Variants in EPHA3 observed in about 807,000 individuals in gnomAD.
EPHA3 encodes the protein EPH receptor A3, also known as ephrin type-A receptor 3.
Under a neutral mutation model 107.1 loss-of-function variants are expected in EPHA3, and 42 were observed. The observed-to-expected ratio is 0.39, with a 90% CI of 0.31 to 0.51. EPHA3 has a LOEUF of 0.51. Ranked by LOEUF, EPHA3 falls within the 20% of genes least tolerant of loss-of-function variation. EPHA3 has a pLI of 0.78. For synonymous variants in EPHA3, 461 were observed against 424.8 expected, an observed-to-expected ratio of 1.09 and a Z score of -1.05; for missense variants, 1,183 against 1,211.2, an observed-to-expected ratio of 0.98 and a Z score of 0.35.
rs139592109 is a variant in EPHA3 at position 89,405,368 on chromosome 3, G to T, written c.1595-1901G>T. The stretch of plus-strand genomic sequence containing the variant: ...CTGTGCTTGAAGGCTGTAGCTGAAG[G>T]TGCTGCAGCTGGAGGCTGTCTGCTG... On this transcript the variant is annotated intron_variant, in intron 7 of 16. Coordinates refer to ENST00000336596, the MANE Select transcript of EPHA3 (RefSeq NM_005233.6). Among the ~76,000 whole-genome samples the T allele has an allele frequency of 5.9e-3, 903 of 152,308 alleles. 13 individuals are homozygous for T. The highest frequency in any genetic ancestry group is 0.02 in the African/African-American group (827 of 41,576).
chr3:89,129,754 A>G (rs1456541540), intron 2 of EPHA3, among the ~76,000 whole-genome samples: 1 of 152,098 alleles, frequency 6.6e-6, no homozygotes, highest in Non-Finnish European at 1.5e-5. Flanking sequence ...TTAATATGAC[A>G]AGGATAGATT....
chr3:89,325,030 T>G (rs561780415), intron 3 of EPHA3, among the ~76,000 whole-genome samples: 1 of 152,302 alleles, frequency 6.6e-6, no homozygotes, highest in South Asian at 2.1e-4. Flanking sequence ...AAGGACATGA[T>G]TTCCTTCTTT....
rs150099876 is a variant in EPHA3, at chr3:89,210,450, C to T, written c.744C>T (p.Gly248=). The change falls in exon 3 of 17, where the codon GGC becomes GGT. Residue 248 remains glycine, a synonymous_variant. Coordinates refer to ENST00000336596, the MANE Select transcript of EPHA3 (RefSeq NM_005233.6). ...DPPRMYCSTE[G]EWLVPIGKCS... ...CAAGGATGTACTGCAGTACAGAAGGCGAATGGCTTGTACCCATTGGCAAGT... is the reference window on the plus strand; with the variant it reads ...CAAGGATGTACTGCAGTACAGAAGGTGAATGGCTTGTACCCATTGGCAAGT... The T allele has an allele frequency of 8.9e-4, 1,427 of 1,609,022 alleles. 11 individuals carry two copies. Among genetic ancestry groups the T allele is most frequent in the Admixed American group, 3.7e-4 (22 of 59,316 alleles).
At chr3:89,120,448 C>T (rs185646018) in intron 1 of EPHA3, among the ~76,000 whole-genome samples, 2 of 152,268 alleles carry the variant, frequency 1.3e-5, no homozygotes, top group East Asian at 3.9e-4. Flanking sequence ...CATCACAACT[C>T]ATTTATGTGA....
At chr3:89,147,623 C>T (rs145139118) in intron 2 of EPHA3, among the ~76,000 whole-genome samples, 1 of 151,840 alleles carries the variant, frequency 6.6e-6, no homozygotes, top group African/African-American at 2.4e-5. Context: ...TCAATACTGT[C>T]TAGGATTTCA....
intron 5 of EPHA3, among the ~76,000 whole-genome samples, chr3:89,374,717 T>A (rs1034265270): frequency 1.3e-5 from 2 of 151,646 alleles, no homozygotes; most frequent in African/African-American, 2.4e-5. Context: ...ATTGTCATGA[T>A]ACATCTCAGC....
chr3:89,353,190 T>G (rs1228802425), intron 5 of EPHA3, among the ~76,000 whole-genome samples: 3 of 151,256 alleles, frequency 2.0e-5, no homozygotes, highest in Admixed American at 2.0e-4. Context: ...GGCCACCTAT[T>G]GGTATAGTCC....
chr3:89,442,002 G>T (rs1709795491), intron 13 of EPHA3, among the ~76,000 whole-genome samples: 1 of 152,086 alleles, frequency 6.6e-6, no homozygotes, highest in African/African-American at 2.4e-5. Flanking sequence ...GACAGTGTTT[G>T]CTGTTGGAGC....
At chr3:89,364,537 G>T (rs1366662333) in intron 5 of EPHA3, among the ~76,000 whole-genome samples, 1 of 151,220 alleles carries the variant, frequency 6.6e-6, no homozygotes, top group Non-Finnish European at 1.5e-5. Flanking sequence ...TACAGTTTGT[G>T]CTTCCATGAA....
chr3:89,272,798 A>G (rs1705706512), intron 3 of EPHA3, among the ~76,000 whole-genome samples: 1 of 151,938 alleles, frequency 6.6e-6, no homozygotes, highest in Non-Finnish European at 1.5e-5. Context: ...TTGGAATATT[A>G]TTGGGATAAT....
intron 2 of EPHA3, among the ~76,000 whole-genome samples, chr3:89,159,838 G>C (rs1213644010): frequency 1.3e-5 from 2 of 152,010 alleles, no homozygotes; most frequent in Non-Finnish European, 2.9e-5. Flanking sequence ...AGATTGTGTT[G>C]AGGTATAAAG....
In EPHA3 at chr3:89,450,348, A is replaced by G. The variant is rs749757419; in HGVS notation, c.2668A>G (p.Ile890Val). ...TATCCGGAATCCCGGCAGCCTGAAG[A>G]TCATCACCAGTGCAGCCGCAAGGTG... ...KLIRNPGSLK[I>V]ITSAAARPSN... The change falls in exon 15 of 17, where the codon ATC becomes GTC. Residue 890 changes from isoleucine to valine, a missense_variant. Coordinates refer to ENST00000336596, the MANE Select transcript of EPHA3 (RefSeq NM_005233.6). 6 of 1,613,504 alleles carry G rather than the reference A, an allele frequency of 3.7e-6. No homozygotes were observed. In the South Asian group the frequency reaches 6.6e-5, roughly 18 times the overall value.
chr3:89,239,448 A>C (rs1217450976), intron 3 of EPHA3, among the ~76,000 whole-genome samples: 1 of 152,170 alleles, frequency 6.6e-6, no homozygotes, highest in Non-Finnish European at 1.5e-5. Flanking sequence ...AATAATAATA[A>C]TAAATCTTAC....
Position 89,477,614 on chromosome 3 carries a change from G to T in EPHA3, c.2847-1783G>T, listed in dbSNP as rs576938373. ...GTATAAAGGAATCCCCTCTGTGTGT[G>T]TGTGTGTGTCTGTGTCTGTGTGTGG... On this transcript the variant is annotated intron_variant, in intron 16 of 16. Coordinates refer to ENST00000336596, the MANE Select transcript of EPHA3 (RefSeq NM_005233.6). 8.5e-5 allele frequency among the ~76,000 whole-genome samples: 13 copies of T among 152,212 alleles called. No individual in the cohort carries two copies. The South Asian group carries it at 2.5e-3, about 29-fold the overall frequency.
At chr3:89,218,374 A>C (rs1022592814) in intron 3 of EPHA3, among the ~76,000 whole-genome samples, 2 of 142,116 alleles carry the variant, frequency 1.4e-5, no homozygotes, top group African/African-American at 5.3e-5. Context: ...CCCACCTATG[A>C]GTGAGAACAT....
chr3:89,299,704 C>G (rs1370988359), intron 3 of EPHA3, among the ~76,000 whole-genome samples: 1 of 151,890 alleles, frequency 6.6e-6, no homozygotes, highest in East Asian at 1.9e-4. Flanking sequence ...TTCAATATAT[C>G]CAACTTCAGA....
At chr3:89,362,808 T>C (rs547201379) in intron 5 of EPHA3, among the ~76,000 whole-genome samples, 2 of 151,078 alleles carry the variant, frequency 1.3e-5, no homozygotes, top group Admixed American at 6.6e-5. Flanking sequence ...GAACCAAAGA[T>C]ATCTCCAATA....
chr3:89,165,721 G>T (rs1413194804), intron 2 of EPHA3, among the ~76,000 whole-genome samples: 3 of 152,078 alleles, frequency 2.0e-5, no homozygotes, highest in Non-Finnish European at 4.4e-5. Context: ...TGAAATAAAA[G>T]AAGACATCAG....
chr3:89,436,270 C>T (rs1054131733), intron 13 of EPHA3, among the ~76,000 whole-genome samples: 2 of 152,084 alleles, frequency 1.3e-5, no homozygotes, highest in Admixed American at 1.3e-4. Flanking sequence ...ATTTAGTGTG[C>T]TCTGATTATT....
Sources: gnomAD v4.1 joint callset for allele counts (sites outside exome capture counted in the v4.1 genomes callset) on GRCh38, gnomAD v4.1.1 for gene constraint, MANE v1.5 for transcripts, NCBI Gene and HGNC (gene_info 2026-07-23, HGNC 2026-07-21) for gene names.